The following GARNL3 variants were observed in gnomAD, a reference collection of about 807,000 sequenced individuals.
GARNL3 encodes GTPase-activating Rap/Ran-GAP domain-like protein 3.
In GARNL3, 63 loss-of-function variants were observed where a neutral mutation model predicts 125.0. The ratio of observed to expected loss-of-function variants is 0.50; its 90% CI spans 0.41 to 0.62. The LOEUF (loss-of-function observed/expected upper bound fraction) is 0.62. GARNL3 is among the 20% of genes least tolerant of loss of function. The pLI is 0.00. For missense variants in GARNL3, 994 were observed against 1,244.0 expected (o/e 0.80, Z 3.02); for synonymous variants, 439 against 457.5 (o/e 0.96, Z 0.52).
At chr9:127,346,401 A>C (rs1437199413) in intron 16 of GARNL3, among the ~76,000 whole-genome samples, 1 of 152,192 alleles carries the variant, frequency 6.6e-6, no homozygotes, top group African/African-American at 2.4e-5. Context: ...GAAAATGATG[A>C]GCTCAAAATA....
intron 12 of GARNL3, among the ~76,000 whole-genome samples, chr9:127,339,246 C>G (rs915170725): frequency 1.3e-4 from 19 of 149,326 alleles, no homozygotes; most frequent in East Asian, 2.0e-4. Context: ...GCAGTGAGCC[C>G]AGATCGCACC....
intron 2 of GARNL3, among the ~76,000 whole-genome samples, chr9:127,304,530 C>CTTTTTTT (rs61493807): frequency 4.6e-4 from 46 of 99,214 alleles, no homozygotes; most frequent in Middle Eastern, 9.8e-3. Context: ...TGGCTTTATT[C>CTTTTTTT]TTTTTTTTTT....
At chr9:127,368,091 C>CTGCA (rs1362256567) in intron 22 of GARNL3, among the ~76,000 whole-genome samples, 10 of 140,906 alleles carry the variant, frequency 7.1e-5, no homozygotes, top group African/African-American at 2.4e-4. Flanking sequence ...TCTCAGCTCA[C>CTGCA]TGCAACCTCT....
At chr9:127,270,621 C>T (rs1311307784) in intron 1 of GARNL3, among the ~76,000 whole-genome samples, 1 of 152,198 alleles carries the variant, frequency 6.6e-6, no homozygotes, top group East Asian at 1.9e-4. Context: ...AGAGGGGCCT[C>T]CCCTGACCAT....
At chr9:127,254,640 G>A (rs373024077) in intron 2 of GARNL3, among the ~76,000 whole-genome samples, 3 of 151,938 alleles carry the variant, frequency 2.0e-5, no homozygotes. Context: ...GTGGTGGCAC[G>A]TGCCTGTAAT....
intron 7 of GARNL3, among the ~76,000 whole-genome samples, chr9:127,332,067 G>A (rs932523947): frequency 6.6e-6 from 1 of 152,062 alleles, no homozygotes; most frequent in African/African-American, 2.4e-5. Flanking sequence ...AAAGCATACA[G>A]TCTCATCTGT....
At chr9:127,343,329 TA>T (rs1368027414) in intron 14 of GARNL3, among the ~76,000 whole-genome samples, 5 of 152,112 alleles carry the variant, frequency 3.3e-5, no homozygotes, top group Non-Finnish European at 7.4e-5. Context: ...CTCAATTCCG[TA>T]AGGTCAGGGA....
intron 24 of GARNL3, among the ~76,000 whole-genome samples, chr9:127,386,536 A>G (rs549159020): frequency 6.6e-6 from 1 of 152,374 alleles, no homozygotes; most frequent in East Asian, 1.9e-4. Context: ...CAAGCCCCAC[A>G]CAGACACTGT....
intron 18 of GARNL3, 56 bp downstream of exon 18, chr9:127,354,000 C>T (rs1033367235): frequency 1.6e-5 from 18 of 1,141,124 alleles, no homozygotes; most frequent in African/African-American, 3.1e-5. Flanking sequence ...TTGCCTTCTG[C>T]GGCCCACACC....
At chr9:127,386,316 C>G (rs1453100548) in intron 24 of GARNL3, among the ~76,000 whole-genome samples, 1 of 152,250 alleles carries the variant, frequency 6.6e-6, no homozygotes, top group African/African-American at 2.4e-5. Context: ...AAACACACTT[C>G]TACGTTTCTT....
chr9:127,379,470 C>T (rs1173965575), intron 22 of GARNL3, among the ~76,000 whole-genome samples: 5 of 152,124 alleles, frequency 3.3e-5, no homozygotes, highest in South Asian at 2.1e-4. Context: ...ATTCTGGCAC[C>T]CTCTCTCTGC....
At chr9:127,243,859 GAATGAATAAGTA>G (rs904380816) in intron 2 of GARNL3, among the ~76,000 whole-genome samples, 1 of 152,184 alleles carries the variant, frequency 6.6e-6, no homozygotes, top group Non-Finnish European at 1.5e-5. Flanking sequence ...ATACTCGGAT[GAATGAATAAGTA>G]AATGAATAAA....
At chr9:127,277,523 A>G (rs1393895020) in intron 1 of GARNL3, among the ~76,000 whole-genome samples, 2 of 151,708 alleles carry the variant, frequency 1.3e-5, no homozygotes, top group African/African-American at 4.8e-5. Context: ...TTATGCATTC[A>G]AGCAAACAAA....
chr9:127,248,905 C>T (rs956441990), intron 2 of GARNL3, among the ~76,000 whole-genome samples: 1 of 152,096 alleles, frequency 6.6e-6, no homozygotes, highest in African/African-American at 2.4e-5. Flanking sequence ...GCCACCACGC[C>T]TGGCCAGTAT....
chr9:127,231,042 A>ATG, intron 1 of GARNL3, among the ~76,000 whole-genome samples: 2 of 46,548 alleles, frequency 4.3e-5, no homozygotes, highest in South Asian at 1.2e-3. Context: ...ATACATATAT[A>ATG]TATATATATT....
intron 15 of GARNL3, 25 bp from the exon 16 acceptor site, chr9:127,345,378 T>G (rs188339751): frequency 6.6e-7 from 1 of 1,520,146 alleles, no homozygotes; most frequent in East Asian, 2.3e-5. Flanking sequence ...CTAGTAAACT[T>G]TAATAGAGAT....
At chr9:127,285,822 G>A (rs1275140253) in intron 1 of GARNL3, among the ~76,000 whole-genome samples, 2 of 151,620 alleles carry the variant, frequency 1.3e-5, no homozygotes, top group Admixed American at 1.3e-4. Flanking sequence ...CTTTCTTTTT[G>A]TCCCAATTTG....
At chr9:127,259,403 G>A (rs543172738), upstream of GARNL3, among the ~76,000 whole-genome samples, 1 of 152,276 alleles carries the variant, frequency 6.6e-6, no homozygotes, top group African/African-American at 2.4e-5. Context: ...CGTTGCCTGT[G>A]GGAAACTTGA....
At chr9:127,313,297 A>G (rs1254815395) in intron 3 of GARNL3, 144 bp from the exon 4 acceptor site, 1 of 692,996 alleles carries the variant, frequency 1.4e-6, no homozygotes, top group Non-Finnish European at 2.6e-6. Context: ...CCCCCGAGAG[A>G]GATCAGGGTC....
Sources: allele counts gnomAD v4.1 joint callset (sites outside exome capture counted in the v4.1 genomes callset), GRCh38; gene constraint gnomAD v4.1.1; transcripts MANE v1.5; gene names NCBI Gene and HGNC (gene_info 2026-07-23, HGNC 2026-07-21).